PTPN13: variants seen among roughly 807,000 people sequenced by gnomAD.
PTPN13 encodes the protein protein tyrosine phosphatase non-receptor type 13.
Under a neutral mutation model 284.0 loss-of-function variants are expected in PTPN13, and 191 were observed. The ratio of observed to expected loss-of-function variants is 0.67; its 90% confidence interval spans 0.60 to 0.76. PTPN13 has a LOEUF of 0.76. Ranked by LOEUF, PTPN13 falls within the 30% of genes least tolerant of loss-of-function variation. The pLI is 0.00. For missense variants in PTPN13, 2,797 were observed against 2,939.9 expected, an observed-to-expected ratio of 0.95 and a Z score of 1.12; for synonymous variants, 986 against 1,022.3, an observed-to-expected ratio of 0.96 and a Z score of 0.68.
chr4:86,602,770 C>A (rs1312381606), intron 1 of PTPN13, among the ~76,000 whole-genome samples: 1 of 151,636 alleles, frequency 6.6e-6, no homozygotes, highest in African/African-American at 2.4e-5. Context: ...GTTACTGCAG[C>A]ACTTCAACCT....
chr4:86,690,884 G>A (rs1729956572), intron 5 of PTPN13, among the ~76,000 whole-genome samples: 1 of 151,950 alleles, frequency 6.6e-6, no homozygotes, highest in African/African-American at 2.4e-5. Context: ...TATGAAACCT[G>A]TGCTAGGGAT....
chr4:86,640,371 A>G (rs978227575), intron 2 of PTPN13, among the ~76,000 whole-genome samples: 17 of 152,216 alleles, frequency 1.1e-4, no homozygotes, highest in African/African-American at 4.1e-4. Context: ...CTATACTCCA[A>G]AGGTGTTATT....
chr4:86,629,671 A>G (rs1281956832), intron 1 of PTPN13, among the ~76,000 whole-genome samples: 3 of 152,200 alleles, frequency 2.0e-5, no homozygotes, highest in Non-Finnish European at 4.4e-5. Flanking sequence ...TAACTTTTTA[A>G]TGGCCTTCAA....
chr4:86,811,251 T>C, intron 47 of PTPN13, 143 bp downstream of exon 47: 1 of 648,440 alleles, frequency 1.5e-6, no homozygotes, highest in Non-Finnish European at 2.4e-6. Context: ...GGGGCATTTT[T>C]TTTTAAATGA....
intron 30 of PTPN13, among the ~76,000 whole-genome samples, chr4:86,770,770 T>C (rs1420954386): frequency 6.6e-6 from 1 of 152,130 alleles, no homozygotes; most frequent in Non-Finnish European, 1.5e-5. Flanking sequence ...TACAAAGAAG[T>C]TCTTCTAGAT....
chr4:86,759,894 A>G (rs1738465042), intron 23 of PTPN13, among the ~76,000 whole-genome samples: 1 of 152,238 alleles, frequency 6.6e-6, no homozygotes, highest in African/African-American at 2.4e-5. Context: ...TTTCAAAAAC[A>G]TTGAAGTGCT....
chr4:86,658,308 A>C (rs567947312), intron 2 of PTPN13, among the ~76,000 whole-genome samples: 1 of 152,308 alleles, frequency 6.6e-6, no homozygotes, highest in Admixed American at 6.5e-5. Context: ...TCCTCAATGC[A>C]CTGCCTGGGA....
chr4:86,660,591 C>A (rs1282326249), intron 2 of PTPN13, among the ~76,000 whole-genome samples: 1 of 152,072 alleles, frequency 6.6e-6, no homozygotes, highest in African/African-American at 2.4e-5. Context: ...CTTTGACATG[C>A]TACATCTTGC....
intron 2 of PTPN13, among the ~76,000 whole-genome samples, chr4:86,664,317 T>G (rs1285808584): frequency 6.6e-6 from 1 of 152,160 alleles, no homozygotes; most frequent in Non-Finnish European, 1.5e-5. Context: ...TCAAGAGTAT[T>G]TTCTGGGTGA....
intron 25 of PTPN13, among the ~76,000 whole-genome samples, chr4:86,765,119 T>C (rs1212071129): frequency 6.6e-6 from 1 of 152,242 alleles, no homozygotes; most frequent in African/African-American, 2.4e-5. Flanking sequence ...TAATACCTTG[T>C]AAACATGTTA....
chr4:86,665,703 A>G (rs1387433495), intron 2 of PTPN13, among the ~76,000 whole-genome samples: 1 of 152,192 alleles, frequency 6.6e-6, no homozygotes, highest in African/African-American at 2.4e-5. Context: ...TATTTCTAAT[A>G]TTTTTTTCTA....
intron 2 of PTPN13, among the ~76,000 whole-genome samples, chr4:86,657,865 C>G (rs1726035563): frequency 6.6e-6 from 1 of 152,180 alleles, no homozygotes; most frequent in Admixed American, 6.5e-5. Context: ...CTTCCCACTC[C>G]ATCCTCCACA....
chr4:86,743,598 A>G (rs796130760), intron 16 of PTPN13, among the ~76,000 whole-genome samples: 5 of 152,328 alleles, frequency 3.3e-5, no homozygotes, highest in African/African-American at 1.2e-4. Context: ...TTCTGTTTCT[A>G]ACAAAGAAAA....
At position 86,809,908 on chromosome 4, in the gene PTPN13, G is replaced by A. The variant is rs1218492682; in HGVS notation, c.7223G>A (p.Cys2408Tyr). The A allele has an allele frequency of 1.2e-6, 2 of 1,613,986 alleles. No individual in the cohort carries two copies. The highest frequency in any genetic ancestry group is 1.7e-6 in the Non-Finnish European group (2 of 1,179,894). ...AGATCAGGCCCAATCATTACGCACT[G>A]CAGTGCTGGCATTGGACGTTCAGGG... ...IHRSGPIITH[C>Y]SAGIGRSGTL... is the part of the protein sequence containing the mutation. The change falls in exon 46 of 48, where the codon TGC (cysteine) becomes TAC (tyrosine). Residue 2408 changes from cysteine (C) to tyrosine (Y), a missense_variant. Physicochemically the swap from Cys to Tyr is radical, Grantham distance 194. Transcript: ENST00000411767.
At chr4:86,739,378 T>TGGGGAGGCCTCACAATCACGG (rs1437495071) in intron 15 of PTPN13, among the ~76,000 whole-genome samples, 1 of 152,148 alleles carries the variant, frequency 6.6e-6, no homozygotes, top group African/African-American at 2.4e-5. Context: ...TCCATGTGGC[T>TGGGGAGGCCTCACAATCACGG]GGGGAGGCCT....
chr4:86,707,660 T>G (rs1353132368), intron 7 of PTPN13, among the ~76,000 whole-genome samples: 1 of 152,192 alleles, frequency 6.6e-6, no homozygotes, highest in African/African-American at 2.4e-5. Flanking sequence ...AAAACATCTT[T>G]TTTAAATTCT....
At chr4:86,706,369 C>T (rs1008985234) in intron 7 of PTPN13, among the ~76,000 whole-genome samples, 6 of 152,240 alleles carry the variant, frequency 3.9e-5, no homozygotes, top group Admixed American at 3.9e-4. Context: ...CAACTAACTG[C>T]CTTCCAAGTC....
rs532757699 is a variant in PTPN13, at chr4:86,666,385, C to T, written c.116-5980C>T. Among the ~76,000 whole-genome samples the T allele has an allele frequency of 2.9e-3, 447 of 152,168 alleles. 2 individuals carry two copies. Among genetic ancestry groups the T allele is most frequent in the African/African-American group, 9.5e-3 (393 of 41,506 alleles). ...TAATAGGCAAAGGAAAGAGAAAGAA[C>T]AGCTCTCTCTTCTCTCTCTTCTCTC... On this transcript the variant is annotated intron_variant, in intron 2 of 47. Coordinates refer to ENST00000411767, the MANE Select transcript of PTPN13 (RefSeq NM_080683.3).
At position 86,717,165 on chromosome 4, in the gene PTPN13, T is replaced by A. The variant is rs201769347; in HGVS notation, c.1385+48T>A. On this transcript the variant is annotated intron_variant, in intron 9 of 47. Transcript: ENST00000411767. ...TGATACATTTCCAGTGACCAGTGTT[T>A]GTTTTTTATTTGAATTAAATGGAAT... 29 of 1,335,962 alleles carry A rather than the reference T, an allele frequency of 2.2e-5. No individual in the cohort carries two copies. The East Asian group carries it at 6.7e-4, about 31-fold the overall frequency. The allele number at this position is 1,335,962 out of a possible 1,614,324, so 82.8% of individuals were successfully genotyped here.
Sources: allele counts gnomAD v4.1 joint callset (sites outside exome capture counted in the v4.1 genomes callset), GRCh38; gene constraint gnomAD v4.1.1; transcripts MANE v1.5; gene names NCBI Gene and HGNC (gene_info 2026-07-23, HGNC 2026-07-21).